Variants in NAV3 observed in about 807,000 individuals in gnomAD.
NAV3 encodes the protein neuron navigator 3, also known as pore membrane and/or filament interacting like protein 1.
In NAV3, 87 loss-of-function variants were observed where a neutral mutation model predicts 244.7. That is an observed-to-expected ratio of 0.36 (90% CI 0.30 to 0.42). The LOEUF (loss-of-function observed/expected upper bound fraction) is 0.42. Among genes scored for constraint, NAV3 ranks in the 20% least tolerant of loss-of-function variants. The pLI, the probability that NAV3 is intolerant of heterozygous loss-of-function variation, is 1.00. For synonymous variants in NAV3, 1,126 were observed against 1,042.2 expected (o/e 1.08, Z -1.55); for missense variants, 2,663 against 2,893.3 (o/e 0.92, Z 1.83).
At chr12:77,842,136 T>C (rs1422592639) in intron 1 of NAV3, among the ~76,000 whole-genome samples, 2 of 152,160 alleles carry the variant, frequency 1.3e-5, no homozygotes, top group Non-Finnish European at 1.5e-5. Flanking sequence ...TACAGGGATA[T>C]ATCTTTTAAA....
Position 77,677,686 on chromosome 12 carries a change from C to T in NAV3, c.72+105420C>T, listed in dbSNP as rs896879443. Among the ~76,000 whole-genome samples, 11 of 152,306 alleles carry T rather than the reference C, an allele frequency of 7.2e-5. No individual in the cohort carries two copies. In the South Asian group the frequency reaches 1.0e-3, roughly 14 times the overall value. Reference sequence around the variant, plus strand: ...TGAGATGTGTGAATGGAGTAATTAGCGCATTGCTTTGTAATTAGCAAGCGT... The same window carrying T: ...TGAGATGTGTGAATGGAGTAATTAGTGCATTGCTTTGTAATTAGCAAGCGT... On this transcript the variant is annotated intron_variant, in intron 2 of 8. Transcript: ENST00000550042.
At chr12:77,854,056 C>G (rs757041308) in intron 1 of NAV3, among the ~76,000 whole-genome samples, 2 of 152,136 alleles carry the variant, frequency 1.3e-5, no homozygotes, top group South Asian at 4.1e-4. Context: ...AAAGCCTCAC[C>G]TTTTTGTCCT....
intron 1 of NAV3, among the ~76,000 whole-genome samples, chr12:77,922,954 G>A (rs1418501557): frequency 6.6e-6 from 1 of 151,662 alleles, no homozygotes; most frequent in Non-Finnish European, 1.5e-5. Context: ...ATTTTTATAC[G>A]TACATCTTAA....
chr12:77,919,319 C>A (rs1471814987), intron 1 of NAV3, among the ~76,000 whole-genome samples: 1 of 151,996 alleles, frequency 6.6e-6, no homozygotes, highest in African/African-American at 2.4e-5. Context: ...TTAGTCCCAC[C>A]AAATGAAGGA....
At chr12:78,160,601 A>G (rs1056435815) in intron 23 of NAV3, among the ~76,000 whole-genome samples, 1 of 152,126 alleles carries the variant, frequency 6.6e-6, no homozygotes, top group Non-Finnish European at 1.5e-5. Context: ...AGCTTTACAA[A>G]AGTAGTATGT....
intron 1 of NAV3, among the ~76,000 whole-genome samples, chr12:77,922,689 A>G (rs1887827996): frequency 6.6e-6 from 1 of 152,108 alleles, no homozygotes; most frequent in South Asian, 2.1e-4. Flanking sequence ...TCTCTCTTTG[A>G]GAATAATAAT....
chr12:77,946,707 C>T (rs1691998730), intron 3 of NAV3, among the ~76,000 whole-genome samples: 1 of 152,208 alleles, frequency 6.6e-6, no homozygotes, highest in South Asian at 2.1e-4. Flanking sequence ...ACTATAAATA[C>T]CAGGAATGTC....
At chr12:77,735,836 C>T (rs768878203) in intron 2 of NAV3, among the ~76,000 whole-genome samples, 13 of 152,144 alleles carry the variant, frequency 8.5e-5, no homozygotes, top group Non-Finnish European at 1.6e-4. Flanking sequence ...ATGCGCAACA[C>T]ACCATGAGCT....
At chr12:77,736,101 C>G (rs1389004133) in intron 2 of NAV3, among the ~76,000 whole-genome samples, 4 of 152,178 alleles carry the variant, frequency 2.6e-5, no homozygotes, top group Non-Finnish European at 2.9e-5. Flanking sequence ...CTGTTACACA[C>G]TTTGTGAGAT....
At chr12:77,667,437 A>T (rs1210517804) in intron 2 of NAV3, among the ~76,000 whole-genome samples, 2 of 151,978 alleles carry the variant, frequency 1.3e-5, no homozygotes, top group African/African-American at 4.8e-5. Context: ...AGCCTTTATG[A>T]CTGCTGGCTG....
In NAV3 at chr12:77,927,466, G is replaced by GAA. The variant is rs566997829; in HGVS notation, c.244-12850_244-12849dup. ...GTAGCACTTACTGTTGCCACCTTGG[G>GAA]AAAATACTTCACTTCTCTGTTTTAG... is the stretch of plus-strand genomic sequence containing the variant. On this transcript the variant is annotated intron_variant, in intron 1 of 39. Coordinates refer to ENST00000397909, the MANE Select transcript of NAV3 (RefSeq NM_001024383.2). 2.4e-4 allele frequency among the ~76,000 whole-genome samples: 36 copies of GAA among 152,298 alleles called. No homozygotes were observed. In the South Asian group the frequency reaches 7.5e-3, roughly 32 times the overall value.
chr12:78,145,143 C>A (rs1331761852), intron 20 of NAV3: 2 of 219,424 alleles, frequency 9.1e-6, no homozygotes, highest in South Asian at 4.8e-5. Context: ...AAAATAAAAT[C>A]TTTCCTTAAA....
intron 20 of NAV3, among the ~76,000 whole-genome samples, chr12:78,144,185 G>A (rs1956755041): frequency 6.6e-6 from 1 of 152,072 alleles, no homozygotes; most frequent in Non-Finnish European, 1.5e-5. Context: ...TTTCATGAGA[G>A]CAAGTGTCAT....
intron 2 of NAV3, among the ~76,000 whole-genome samples, chr12:77,653,770 A>C (rs1401449819): frequency 6.6e-6 from 1 of 152,164 alleles, no homozygotes; most frequent in East Asian, 1.9e-4. Context: ...ACATCAATGG[A>C]AATATATTCT....
rs1215221938 is a variant in NAV3, at chr12:77,982,227, T to C, written c.672-12576T>C. Among the ~76,000 whole-genome samples, 4 of 127,592 alleles carry C rather than the reference T, an allele frequency of 3.1e-5. 1 individual carries two copies. The highest frequency in any genetic ancestry group is 2.7e-4 in the South Asian group (1 of 3,702). The allele number at this position is 127,592 out of a possible 152,430, so 83.7% of individuals were successfully genotyped here. A position where few individuals can be genotyped will look rare whatever the true frequency, so the allele number is the denominator to read the frequency against. On this transcript the variant is annotated intron_variant, in intron 5 of 39. Transcript: ENST00000397909. ...GCATAACATATGGCTTAATGAAAGA[T>C]GATTTGTTGCTATTGATCCTTTATA...
intron 24 of NAV3, among the ~76,000 whole-genome samples, chr12:78,170,102 G>A (rs1383893021): frequency 6.6e-6 from 1 of 151,524 alleles, no homozygotes; most frequent in African/African-American, 2.4e-5. Context: ...TCAAATCTAG[G>A]TCTCCAGGCC....
intron 8 of NAV3, among the ~76,000 whole-genome samples, chr12:78,021,039 C>G (rs181466914): frequency 5.3e-5 from 8 of 152,168 alleles, no homozygotes; most frequent in African/African-American, 1.9e-4. Context: ...AAAATATTTA[C>G]CCATGCATAA....
intron 2 of NAV3, among the ~76,000 whole-genome samples, chr12:77,647,457 TTTTTG>T: frequency 6.6e-6 from 1 of 152,166 alleles, no homozygotes; most frequent in Middle Eastern, 3.4e-3. Context: ...GCATGCTTTT[TTTTTG>T]TTTTGTTTTT....
In NAV3 at chr12:78,118,029, G is replaced by C. The variant is rs2138561456; in HGVS notation, c.2772G>C (p.Leu924=). 1 of 1,602,284 alleles carries C rather than the reference G, an allele frequency of 6.2e-7. No individual in the cohort carries two copies. The highest frequency in any genetic ancestry group is 8.5e-7 in the Non-Finnish European group (1 of 1,174,244). Residue 924 remains leucine, a splice_region_variant and synonymous_variant, in exon 14 of 40, where the codon CTG becomes CTC. Coordinates refer to ENST00000397909, the MANE Select transcript of NAV3 (RefSeq NM_001024383.2). ...TTCTGTAATATTTGTCTTTATAGCT[G>C]AGGACAGATTCAGAGAAACGCTCCA... is the stretch of plus-strand genomic sequence containing the variant. The part of the protein sequence containing the change: ...ITVPSRKNTQ[L]RTDSEKRSTT...
Sources: gnomAD v4.1 joint callset for allele counts (sites outside exome capture counted in the v4.1 genomes callset) on GRCh38, gnomAD v4.1.1 for gene constraint, MANE v1.5 for transcripts, NCBI Gene and HGNC (gene_info 2026-07-23, HGNC 2026-07-21) for gene names.